FRMD5: variants seen among roughly 807,000 people sequenced by gnomAD.
FRMD5 encodes the protein FERM domain containing 5.
In FRMD5, 20 loss-of-function variants were observed where a neutral mutation model predicts 69.0. The observed-to-expected ratio is 0.29, with a 90% CI of 0.20 to 0.42. The LOEUF is 0.42. FRMD5 is among the 10% of genes least tolerant of loss of function. The pLI is 1.00. For missense variants in FRMD5, 595 were observed against 708.6 expected (o/e 0.84, Z 1.82); for synonymous variants, 271 against 260.1 (o/e 1.04, Z -0.40).
chr15:43,875,570 C>A (rs189752707), intron 13 of FRMD5, among the ~76,000 whole-genome samples: 1 of 151,080 alleles, frequency 6.6e-6, no homozygotes, highest in Non-Finnish European at 1.5e-5. Context: ...TTCTGCCTCC[C>A]GGGTTCCAGC....
At chr15:43,905,715 G>A in intron 6 of FRMD5, 113 bp downstream of exon 6, 1 of 1,334,026 alleles carries the variant, frequency 7.5e-7, no homozygotes, top group Non-Finnish European at 1.1e-6. Context: ...AGGCTGGGGA[G>A]CATCACTCTG....
At chr15:44,182,529 T>C (rs1353414235) in intron 1 of FRMD5, among the ~76,000 whole-genome samples, 5 of 151,708 alleles carry the variant, frequency 3.3e-5, no homozygotes, top group Non-Finnish European at 7.4e-5. Flanking sequence ...CGAGGTTTCA[T>C]CATGTTAGCC....
intron 1 of FRMD5, among the ~76,000 whole-genome samples, chr15:44,167,215 A>T (rs924580388): frequency 6.6e-6 from 1 of 152,172 alleles, no homozygotes; most frequent in East Asian, 1.9e-4. Context: ...AAAAAAATTT[A>T]AAATTAGCCA....
intron 1 of FRMD5, among the ~76,000 whole-genome samples, chr15:44,098,110 C>CAAAAAAA (rs2076580002): frequency 5.6e-5 from 1 of 17,928 alleles, no homozygotes. Context: ...TTCAGAGTGA[C>CAAAAAAA]AAAACAAAAA....
At chr15:44,014,567 T>G (rs1311550400) in intron 1 of FRMD5, among the ~76,000 whole-genome samples, 2 of 151,986 alleles carry the variant, frequency 1.3e-5, no homozygotes, top group African/African-American at 4.8e-5. Context: ...TGAAATCCCA[T>G]CTCTACTAAA....
intron 1 of FRMD5, among the ~76,000 whole-genome samples, chr15:44,073,437 C>A (rs1416031651): frequency 6.6e-6 from 1 of 152,224 alleles, no homozygotes; most frequent in Non-Finnish European, 1.5e-5. Context: ...AATTTGAAGA[C>A]TGCCTGCTAA....
intron 1 of FRMD5, among the ~76,000 whole-genome samples, chr15:44,122,044 GA>G (rs2076960388): frequency 6.8e-6 from 1 of 147,772 alleles, no homozygotes; most frequent in Non-Finnish European, 1.5e-5. Context: ...TGTAACACAT[GA>G]AATATATTTA....
At chr15:44,005,278 C>T (rs1042096272) in intron 1 of FRMD5, among the ~76,000 whole-genome samples, 1 of 151,932 alleles carries the variant, frequency 6.6e-6, no homozygotes, top group Non-Finnish European at 1.5e-5. Context: ...GTCAGGAGTT[C>T]GAGACCAGCC....
At chr15:44,179,983 G>A (rs1039531834) in intron 1 of FRMD5, among the ~76,000 whole-genome samples, 2 of 148,892 alleles carry the variant, frequency 1.3e-5, no homozygotes, top group Non-Finnish European at 3.0e-5. Context: ...AGGCTGCAGT[G>A]CACTGTGCTC....
chr15:43,897,900 A>AGTATGGCATCTCCCCC (rs1178661402), intron 7 of FRMD5, among the ~76,000 whole-genome samples: 1 of 152,072 alleles, frequency 6.6e-6, no homozygotes, highest in Non-Finnish European at 1.5e-5. Context: ...ATGGTTTAAA[A>AGTATGGCATCTCCCCC]GTATGGCATC....
intron 1 of FRMD5, among the ~76,000 whole-genome samples, chr15:44,019,762 GGAAAAGAAAA>G (rs1210944338): frequency 8.2e-6 from 1 of 121,970 alleles, no homozygotes; most frequent in African/African-American, 3.2e-5. Context: ...AAAAAAAAAA[GGAAAAGAAAA>G]GAAAAGAAAA....
chr15:44,145,868 T>C (rs2077347647), intron 1 of FRMD5, among the ~76,000 whole-genome samples: 1 of 152,186 alleles, frequency 6.6e-6, no homozygotes, highest in Non-Finnish European at 1.5e-5. Flanking sequence ...TAATCATCCT[T>C]ATTAGAAGAA....
At position 43,886,125 on chromosome 15, in the gene FRMD5, G is replaced by C. The variant is rs148311893; in HGVS notation, c.885-370C>G. 4.1e-3 allele frequency among the ~76,000 whole-genome samples: 628 copies of C among 152,208 alleles called. 8 individuals are homozygous for C. The highest frequency in any genetic ancestry group is 0.014 in the African/African-American group (598 of 41,520). ...CGTCACTTATTAGCAGTGTGACCTC[G>C]GGCAAATTTCCTTCTCTCTTAGCCT... On this transcript the variant is annotated intron_variant, in intron 10 of 13. Coordinates refer to ENST00000417257, the MANE Select transcript of FRMD5 (RefSeq NM_032892.5).
chr15:43,921,723 G>A (rs1450107983), intron 2 of FRMD5, among the ~76,000 whole-genome samples: 2 of 152,218 alleles, frequency 1.3e-5, no homozygotes, highest in African/African-American at 4.8e-5. Context: ...CCCTATCTGA[G>A]TGAATGGGCC....
intron 1 of FRMD5, among the ~76,000 whole-genome samples, chr15:44,136,191 T>A (rs1260028028): frequency 7.7e-6 from 1 of 130,090 alleles, no homozygotes; most frequent in African/African-American, 2.6e-5. Context: ...TTTTGTTTTG[T>A]TTTGTTTTGT....
chr15:43,986,068 T>C (rs546487044), intron 1 of FRMD5, among the ~76,000 whole-genome samples: 4 of 152,366 alleles, frequency 2.6e-5, no homozygotes, highest in Admixed American at 2.0e-4. Flanking sequence ...CCATGGTTTA[T>C]TAACTGTGAG....
At chr15:44,108,346 A>T (rs2076748481) in intron 1 of FRMD5, among the ~76,000 whole-genome samples, 1 of 152,126 alleles carries the variant, frequency 6.6e-6, no homozygotes, top group Non-Finnish European at 1.5e-5. Flanking sequence ...TTAAAAAAAT[A>T]AAAATAAAAA....
At chr15:43,951,898 T>C (rs1006748746) in intron 1 of FRMD5, among the ~76,000 whole-genome samples, 3 of 152,034 alleles carry the variant, frequency 2.0e-5, no homozygotes, top group African/African-American at 7.3e-5. Context: ...CTCTCTTACA[T>C]CTTGGGTGGA....
intron 1 of FRMD5, among the ~76,000 whole-genome samples, chr15:44,175,789 A>G (rs2077884470): frequency 6.6e-6 from 1 of 152,226 alleles, no homozygotes; most frequent in African/African-American, 2.4e-5. Flanking sequence ...ATGAAATGAA[A>G]AAAACTGCTA....
Sources: allele counts gnomAD v4.1 joint callset (sites outside exome capture counted in the v4.1 genomes callset), GRCh38; gene constraint gnomAD v4.1.1; transcripts MANE v1.5; gene names NCBI Gene and HGNC (gene_info 2026-07-23, HGNC 2026-07-21).